The following YWHAQ variants were observed in gnomAD, a reference collection of about 807,000 sequenced individuals.
YWHAQ encodes the protein 14-3-3 protein theta.
YWHAQ carries 6 observed loss-of-function variants against 28.3 expected under a neutral mutation model. That is an observed-to-expected ratio of 0.21 (90% CI 0.12 to 0.42). YWHAQ has a LOEUF of 0.42. YWHAQ is among the 10% of genes least tolerant of loss of function. The pLI, the probability that YWHAQ is intolerant of heterozygous loss-of-function variation, is 1.00. For synonymous variants in YWHAQ, 143 were observed against 119.1 expected (o/e 1.20, Z -1.31); for missense variants, 201 against 305.6 (o/e 0.66, Z 2.55).
At chr2:9,623,459 A>G (rs1667185325) in intron 2 of YWHAQ, among the ~76,000 whole-genome samples, 1 of 152,224 alleles carries the variant, frequency 6.6e-6, no homozygotes, top group Non-Finnish European at 1.5e-5. Context: ...AATTGTTGAC[A>G]GTGTTCACCA....
intron 2 of YWHAQ, among the ~76,000 whole-genome samples, chr2:9,601,983 T>C (rs1666702834): frequency 6.6e-6 from 1 of 152,168 alleles, no homozygotes; most frequent in Non-Finnish European, 1.5e-5. Flanking sequence ...AAGTTGTCTA[T>C]ATATCAAATG....
intron 5 of YWHAQ, among the ~76,000 whole-genome samples, 170 bp downstream of exon 5, chr2:9,587,244 A>G (rs934675642): frequency 6.6e-6 from 1 of 152,218 alleles, no homozygotes; most frequent in Non-Finnish European, 1.5e-5. Context: ...TAAAATGCCT[A>G]TTCAACTTGA....
intron 2 of YWHAQ, among the ~76,000 whole-genome samples, chr2:9,624,165 A>G (rs536400783): frequency 2.0e-5 from 3 of 152,190 alleles, no homozygotes; most frequent in Admixed American, 6.5e-5. Context: ...CTGAGGTGGG[A>G]GGATGGCTCG....
At chr2:9,616,518 C>T (rs1422339113) in intron 2 of YWHAQ, among the ~76,000 whole-genome samples, 3 of 146,652 alleles carry the variant, frequency 2.0e-5, no homozygotes, top group South Asian at 2.1e-4. Flanking sequence ...ATCCACAGAA[C>T]GGGAGAAAAA....
intron 2 of YWHAQ, among the ~76,000 whole-genome samples, chr2:9,626,725 C>T (rs1161499447): frequency 2.0e-5 from 3 of 152,240 alleles, no homozygotes; most frequent in Non-Finnish European, 4.4e-5. Context: ...GCCACCACAT[C>T]CAGCCAAAGC....
intron 2 of YWHAQ, among the ~76,000 whole-genome samples, chr2:9,602,543 T>C (rs902322137): frequency 6.6e-6 from 1 of 151,566 alleles, no homozygotes; most frequent in Admixed American, 6.6e-5. Context: ...CCTGAGTAGC[T>C]AGGAGTACAG....
intron 2 of YWHAQ, among the ~76,000 whole-genome samples, chr2:9,629,643 T>TG (rs1022491720): frequency 1.4e-5 from 2 of 146,176 alleles, no homozygotes; most frequent in East Asian, 2.0e-4. Context: ...CTCCTGTTTA[T>TG]GGGGGGTGGG....
intron 2 of YWHAQ, among the ~76,000 whole-genome samples, chr2:9,623,591 C>T (rs893018201): frequency 6.6e-5 from 10 of 152,020 alleles, no homozygotes; most frequent in South Asian, 2.1e-4. Context: ...CTGACCAACA[C>T]GGAGAAACCT....
intron 2 of YWHAQ, among the ~76,000 whole-genome samples, chr2:9,607,226 G>T (rs1245886567): frequency 1.4e-5 from 2 of 142,150 alleles, no homozygotes; most frequent in African/African-American, 5.3e-5. Context: ...TTTGAGACAG[G>T]GTTTTGCTCT....
intron 2 of YWHAQ, among the ~76,000 whole-genome samples, chr2:9,600,220 A>G (rs548516894): frequency 6.6e-6 from 1 of 152,362 alleles, no homozygotes; most frequent in African/African-American, 2.4e-5. Flanking sequence ...ATGAGCAAAG[A>G]AAGTGGTTTC....
At chr2:9,591,306 A>C (rs1666450525) in intron 3 of YWHAQ, 86 bp downstream of exon 3, 2 of 1,430,978 alleles carry the variant, frequency 1.4e-6, no homozygotes, top group Non-Finnish European at 1.9e-6. Flanking sequence ...AAGAGCCTGA[A>C]GACTACGTAT....
At chr2:9,607,901 G>A (rs374242661) in intron 2 of YWHAQ, among the ~76,000 whole-genome samples, 61 of 151,732 alleles carry the variant, frequency 4.0e-4, no homozygotes, top group Middle Eastern at 3.4e-3. Context: ...TAGTAGAGAC[G>A]GGGTTTTCGC....
rs911350392 is a variant in YWHAQ at position 9,630,742 on chromosome 2, G to T, written c.-83+199C>A. Reference sequence around the variant, plus strand: ...GGCGCGGAGGCCCCGCGCGCAGGGAGCCCGAGCCGCGGCCGCTCCCGCCAC... The same window carrying T: ...GGCGCGGAGGCCCCGCGCGCAGGGATCCCGAGCCGCGGCCGCTCCCGCCAC... On this transcript the variant is annotated intron_variant, in intron 1 of 5. Transcript: ENST00000238081. This position sits in a 1 kb window ranked among gnomAD's most constrained non-coding sequence, Gnocchi z 5.6. The T allele has an allele frequency of 3.2e-5, 5 of 154,698 alleles. No individual in the cohort carries two copies. Among genetic ancestry groups the T allele is most frequent in the African/African-American group, 1.2e-4 (5 of 41,450 alleles). 9.6% of individuals were successfully genotyped at this position (154,698 alleles called of 1,614,324 possible).
At chr2:9,595,546 A>G (rs1666551224) in intron 2 of YWHAQ, among the ~76,000 whole-genome samples, 1 of 151,970 alleles carries the variant, frequency 6.6e-6, no homozygotes, top group African/African-American at 2.4e-5. Flanking sequence ...TTCTACTAAA[A>G]ATACAAAATT....
At chr2:9,604,899 T>C (rs1026011689) in intron 2 of YWHAQ, among the ~76,000 whole-genome samples, 2 of 152,212 alleles carry the variant, frequency 1.3e-5, no homozygotes, top group Non-Finnish European at 1.5e-5. Context: ...TTATTTTTCA[T>C]TCACAAAATG....
intron 2 of YWHAQ, among the ~76,000 whole-genome samples, chr2:9,620,071 A>ACTT (rs1248653387): frequency 4.6e-5 from 7 of 152,218 alleles, no homozygotes; most frequent in Non-Finnish European, 7.3e-5. Context: ...ATTTTCACAC[A>ACTT]CTTCTCCATT....
intron 2 of YWHAQ, among the ~76,000 whole-genome samples, chr2:9,593,676 A>T (rs970034911): frequency 1.3e-4 from 20 of 151,888 alleles, no homozygotes; most frequent in African/African-American, 1.7e-4. Flanking sequence ...AAAGAATTTT[A>T]AAAAAATTAG....
At chr2:9,598,815 A>G (rs952688963) in intron 2 of YWHAQ, among the ~76,000 whole-genome samples, 20 of 152,242 alleles carry the variant, frequency 1.3e-4, no homozygotes, top group Middle Eastern at 3.4e-3. Context: ...TTAAAATTAG[A>G]CCAATTAATA....
intron 2 of YWHAQ, among the ~76,000 whole-genome samples, chr2:9,627,668 A>C (rs998037910): frequency 1.3e-5 from 2 of 152,118 alleles, no homozygotes; most frequent in Non-Finnish European, 2.9e-5. Context: ...CTCTACAATA[A>C]ATAAATAAAA....
Sources: allele counts gnomAD v4.1 joint callset (sites outside exome capture counted in the v4.1 genomes callset), GRCh38; gene constraint gnomAD v4.1.1; non-coding constraint Gnocchi (gnomAD v3.1); transcripts MANE v1.5; gene names NCBI Gene and HGNC (gene_info 2026-07-23, HGNC 2026-07-21).